Variants in NSUN6 observed in about 807,000 individuals in gnomAD.
The protein encoded by NSUN6 is tRNA (cytosine(72)-C(5))-methyltransferase NSUN6.
A neutral mutation model predicts 58.0 loss-of-function variants in NSUN6; 64 were observed. The observed-to-expected ratio is 1.10, with a 90% CI of 0.90 to 1.36. NSUN6 has a LOEUF of 1.36. Ranked by LOEUF, NSUN6 falls within the 40% of genes most tolerant of loss-of-function variation. The pLI is 0.00. For missense variants in NSUN6, 701 were observed against 550.1 expected, an observed-to-expected ratio of 1.27 and a Z score of -2.74; for synonymous variants, 231 against 193.9, an observed-to-expected ratio of 1.19 and a Z score of -1.59.
At chr10:18,643,003 T>G (rs1019459954) in intron 2 of NSUN6, among the ~76,000 whole-genome samples, 1 of 151,928 alleles carries the variant, frequency 6.6e-6, no homozygotes, top group African/African-American at 2.4e-5. Flanking sequence ...TGGTAGAGGT[T>G]TGGGATTTTC....
intron 3 of NSUN6, among the ~76,000 whole-genome samples, chr10:18,624,481 C>G (rs934021156): frequency 6.0e-5 from 9 of 151,176 alleles, no homozygotes; most frequent in African/African-American, 1.9e-4. Flanking sequence ...TGAGACCATC[C>G]TGGCTAAAAA....
At chr10:18,587,442 T>C (rs1234553740) in intron 7 of NSUN6, among the ~76,000 whole-genome samples, 1 of 152,102 alleles carries the variant, frequency 6.6e-6, no homozygotes, top group East Asian at 1.9e-4. Context: ...AAATTTTATA[T>C]AGTAACACTT....
intron 6 of NSUN6, among the ~76,000 whole-genome samples, chr10:18,601,108 C>G (rs896632637): frequency 6.6e-6 from 1 of 150,564 alleles, no homozygotes; most frequent in Non-Finnish European, 1.5e-5. Context: ...TATTGAATGT[C>G]ATTCAAGAAA....
intron 8 of NSUN6, among the ~76,000 whole-genome samples, chr10:18,555,351 G>C (rs903328665): frequency 6.6e-6 from 1 of 151,288 alleles, no homozygotes; most frequent in Non-Finnish European, 1.5e-5. Flanking sequence ...GAATGGAATG[G>C]TATGGAGAAT....
rs779829895 is a variant in NSUN6, at chr10:18,614,456, A to G, written c.575+4T>C. ...TGATTTCCCCAAAGCACCTGATGAC[A>G]TACTTCAGTTCAGGTAATCCACTGA... On this transcript the variant is annotated splice_donor_region_variant and intron_variant, in intron 5 of 10. Transcript: ENST00000377304. 4 of 1,493,330 alleles carry G rather than the reference A, an allele frequency of 2.7e-6. No individual in the cohort carries two copies. Among genetic ancestry groups the G allele is most frequent in the African/African-American group, 1.4e-5 (1 of 69,106 alleles). The allele number at this position is 1,493,330 out of a possible 1,614,324, so 92.5% of individuals were successfully genotyped here.
chr10:18,656,816 C>CTTTTT (rs59363607), upstream of NSUN6, among the ~76,000 whole-genome samples: 1 of 86,602 alleles, frequency 1.2e-5, no homozygotes. Context: ...AGTTACAATC[C>CTTTTT]TTTTTTTTTT....
intron 3 of NSUN6, among the ~76,000 whole-genome samples, chr10:18,622,865 T>C (rs2058660840): frequency 6.6e-6 from 1 of 152,178 alleles, no homozygotes; most frequent in Non-Finnish European, 1.5e-5. Flanking sequence ...TTGAGACTTA[T>C]CAAAAAGGGA....
chr10:18,609,226 G>A (rs1167767930), intron 6 of NSUN6, among the ~76,000 whole-genome samples: 4 of 152,080 alleles, frequency 2.6e-5, no homozygotes, highest in African/African-American at 7.2e-5. Context: ...CAGGAAGATC[G>A]CTTGAGCCCA....
intron 5 of NSUN6, among the ~76,000 whole-genome samples, chr10:18,610,999 T>C (rs2058212981): frequency 6.6e-6 from 1 of 151,938 alleles, no homozygotes; most frequent in Non-Finnish European, 1.5e-5. Context: ...AGGTCAGAAG[T>C]TTGACAGCAG....
chr10:18,595,124 G>A (rs891509025), intron 7 of NSUN6, among the ~76,000 whole-genome samples: 1 of 152,138 alleles, frequency 6.6e-6, no homozygotes, highest in South Asian at 2.1e-4. Context: ...CCAAGTGAAT[G>A]GGCCCACCCA....
At chr10:18,656,164 T>C (rs1026621660), upstream of NSUN6, among the ~76,000 whole-genome samples, 1 of 152,220 alleles carries the variant, frequency 6.6e-6, no homozygotes, top group Non-Finnish European at 1.5e-5. Flanking sequence ...TCAGACCATA[T>C]GGCAGGTAGA....
intron 3 of NSUN6, among the ~76,000 whole-genome samples, chr10:18,617,193 T>C (rs1449307803): frequency 6.6e-6 from 1 of 151,084 alleles, no homozygotes; most frequent in South Asian, 2.1e-4. Flanking sequence ...TAGTTTTTTT[T>C]TTTTTTTTTT....
intron 3 of NSUN6, among the ~76,000 whole-genome samples, chr10:18,631,252 C>T (rs1347130037): frequency 1.1e-4 from 16 of 149,246 alleles, no homozygotes; most frequent in Non-Finnish European, 1.8e-4. Context: ...TGGGACGTAT[C>T]TCAAAATAAT....
At chr10:18,576,338 C>T (rs574843885) in intron 8 of NSUN6, among the ~76,000 whole-genome samples, 8 of 152,154 alleles carry the variant, frequency 5.3e-5, no homozygotes. Flanking sequence ...TCTCCTCAGA[C>T]TAGGTATTAG....
chr10:18,601,620 G>T (rs1564785971), intron 6 of NSUN6, among the ~76,000 whole-genome samples: 1 of 152,126 alleles, frequency 6.6e-6, no homozygotes, highest in Non-Finnish European at 1.5e-5. Context: ...ATGAGTTTTG[G>T]GGTTTGGGGT....
chr10:18,576,349 T>C (rs1284772807), intron 8 of NSUN6, among the ~76,000 whole-genome samples: 1 of 152,060 alleles, frequency 6.6e-6, no homozygotes, highest in Non-Finnish European at 1.5e-5. Context: ...TAGGTATTAG[T>C]GAATTGGGAC....
chr10:18,651,269 T>C lies in NSUN6; in HGVS notation c.-66A>G, dbSNP rs200111085. The C allele has an allele frequency of 6.9e-7, 1 of 1,452,588 alleles. No individual in the cohort carries two copies. The highest frequency in any genetic ancestry group is 1.4e-5 in the South Asian group (1 of 70,760). The allele number at this position is 1,452,588 out of a possible 1,614,324, so 90.0% of individuals were successfully genotyped here. On this transcript the variant is annotated 5_prime_UTR_variant, in exon 1 of 11. Transcript: ENST00000377304. The stretch of plus-strand genomic sequence containing the variant: ...AAACGGTGTTTTGTTTTTTTTTTTC[T>C]TTCCGAATTAATAGTGACGAGTGTC...
At chr10:18,655,017 T>C, upstream of NSUN6, 1 of 943,720 alleles carries the variant, frequency 1.1e-6, no homozygotes, top group Non-Finnish European at 1.3e-6. Flanking sequence ...TAATACTATA[T>C]ACCTTACCGA....
intron 7 of NSUN6, among the ~76,000 whole-genome samples, chr10:18,592,025 G>T (rs1212743331): frequency 6.6e-6 from 1 of 152,068 alleles, no homozygotes; most frequent in African/African-American, 2.4e-5. Context: ...CAAAGTCTCA[G>T]GATAAAAAAT....
Sources: gnomAD v4.1 joint callset for allele counts (sites outside exome capture counted in the v4.1 genomes callset) on GRCh38, gnomAD v4.1.1 for gene constraint, MANE v1.5 for transcripts, NCBI Gene and HGNC (gene_info 2026-07-23, HGNC 2026-07-21) for gene names.